ISOC1: variants seen among roughly 807,000 people sequenced by gnomAD.
ISOC1 encodes isochorismatase domain-containing protein 1.
Under a neutral mutation model 30.0 loss-of-function variants are expected in ISOC1, and 33 were observed. The observed-to-expected ratio is 1.10, with a 90% CI of 0.83 to 1.47. The LOEUF (loss-of-function observed/expected upper bound fraction) is 1.47. ISOC1 is among the 40% of genes most tolerant of loss of function. The pLI, the probability that ISOC1 is intolerant of heterozygous loss-of-function variation, is 0.00. For synonymous variants in ISOC1, 178 were observed against 159.8 expected (o/e 1.11, Z -0.86); for missense variants, 372 against 388.0 (o/e 0.96, Z 0.35).
chr5:129,104,949 T>C lies in ISOC1; in HGVS notation c.310-7T>C, dbSNP rs1561422537. The C allele has an allele frequency of 1.9e-6, 3 of 1,611,440 alleles. No individual in the cohort carries two copies. Among genetic ancestry groups the C allele is most frequent in the Non-Finnish European group, 2.5e-6 (3 of 1,179,250 alleles). Reference sequence around the variant, plus strand: ...GTGCTAAATCATTCTTTTTCTTTTTTCCTCAGCTCACTACCCTGGGAAATC... The same window carrying C: ...GTGCTAAATCATTCTTTTTCTTTTTCCCTCAGCTCACTACCCTGGGAAATC... On this transcript the variant is annotated splice_region_variant and splice_polypyrimidine_tract_variant and intron_variant, in intron 1 of 4. Coordinates refer to ENST00000173527, the MANE Select transcript of ISOC1 (RefSeq NM_016048.2).
chr5:129,099,437 A>G (rs1215515119), intron 1 of ISOC1, among the ~76,000 whole-genome samples: 2 of 152,224 alleles, frequency 1.3e-5, no homozygotes, highest in Non-Finnish European at 1.5e-5. Flanking sequence ...AGTGACATCA[A>G]TGTTCACAAT....
At chr5:129,108,698 G>A (rs1342513388) in intron 4 of ISOC1, among the ~76,000 whole-genome samples, 3 of 152,114 alleles carry the variant, frequency 2.0e-5, no homozygotes, top group African/African-American at 7.2e-5. Flanking sequence ...TTTTAGTAGA[G>A]ATGGGGTTTT....
chr5:129,101,192 A>AAAAAATATATAT (rs1554064627), intron 1 of ISOC1, among the ~76,000 whole-genome samples: 40 of 42,118 alleles, frequency 9.5e-4, no homozygotes, highest in Non-Finnish European at 1.3e-3. Flanking sequence ...AAAAAAAAAA[A>AAAAAATATATAT]ATATATATAT....
intron 1 of ISOC1, among the ~76,000 whole-genome samples, chr5:129,098,603 C>T (rs751300854): frequency 2.0e-5 from 3 of 152,116 alleles, no homozygotes; most frequent in Non-Finnish European, 2.9e-5. Context: ...CCAGGAAAGA[C>T]AGAGCCTGCA....
chr5:129,097,947 G>A (rs990113657), intron 1 of ISOC1, among the ~76,000 whole-genome samples: 2 of 152,068 alleles, frequency 1.3e-5, no homozygotes, highest in South Asian at 4.1e-4. Flanking sequence ...CCATGTTACT[G>A]GGGATGGTTG....
chr5:129,106,723 A>G (rs1753641645), intron 3 of ISOC1, among the ~76,000 whole-genome samples: 1 of 152,220 alleles, frequency 6.6e-6, no homozygotes, highest in African/African-American at 2.4e-5. Context: ...AGTATCAGAA[A>G]CATTGGCCTA....
intron 4 of ISOC1, 41 bp downstream of exon 4, chr5:129,107,103 C>A (rs1483147456): frequency 6.8e-7 from 1 of 1,474,860 alleles, no homozygotes; most frequent in South Asian, 1.1e-5. Context: ...GTCAAGTTTT[C>A]CAAATAAATG....
At chr5:129,098,669 T>A (rs1753536479) in intron 1 of ISOC1, among the ~76,000 whole-genome samples, 1 of 152,162 alleles carries the variant, frequency 6.6e-6, no homozygotes, top group African/African-American at 2.4e-5. Flanking sequence ...GGGATTTTAC[T>A]TCTGTACATA....
intron 1 of ISOC1, among the ~76,000 whole-genome samples, chr5:129,095,569 C>A (rs950662926): frequency 6.6e-6 from 1 of 152,226 alleles, no homozygotes; most frequent in East Asian, 1.9e-4. Context: ...CCATTCCCCC[C>A]CGCCTTCCCA....
At chr5:129,101,192 A>AAAAAAAAAAAAAATATATATAT (rs1554064627) in intron 1 of ISOC1, among the ~76,000 whole-genome samples, 2 of 42,232 alleles carry the variant, frequency 4.7e-5, no homozygotes, top group Non-Finnish European at 3.6e-5. Flanking sequence ...AAAAAAAAAA[A>AAAAAAAAAAAAAATATATATAT]ATATATATAT....
In ISOC1 at chr5:129,094,766, C is replaced by T; in HGVS notation, c.-1C>T. The T allele has an allele frequency of 6.7e-7, 1 of 1,493,710 alleles. No individual in the cohort carries two copies. The highest frequency in any genetic ancestry group is 8.9e-7 in the Non-Finnish European group (1 of 1,127,236). The allele number at this position is 1,493,710 out of a possible 1,614,324, so 92.5% of individuals were successfully genotyped here. A position where few individuals can be genotyped will look rare whatever the true frequency, so the allele number is the denominator to read the frequency against. The stretch of plus-strand genomic sequence containing the variant: ...CGGAGCTCGCAGACGCTCGGGGGAA[C>T]ATGGCGGCTGCGGAGCCGGCGGTCC... On this transcript the variant is annotated 5_prime_UTR_variant, in exon 1 of 5. Transcript: ENST00000173527.
chr5:129,101,161 CAAAAAAAAAAAAAA>C (rs1156603818), intron 1 of ISOC1, among the ~76,000 whole-genome samples: 7 of 19,498 alleles, frequency 3.6e-4, no homozygotes, highest in South Asian at 8.3e-3. Context: ...CTCAGCTAAT[CAAAAAAAAAAAAAA>C]AAAAAAAAAA....
intron 1 of ISOC1, among the ~76,000 whole-genome samples, chr5:129,095,294 G>A (rs1156951593): frequency 1.3e-5 from 2 of 152,230 alleles, no homozygotes; most frequent in African/African-American, 4.8e-5. Context: ...TGTCCCCGGC[G>A]GGGGCGTGGG....
At chr5:129,100,231 A>C (rs998034580) in intron 1 of ISOC1, among the ~76,000 whole-genome samples, 7 of 128,132 alleles carry the variant, frequency 5.5e-5, no homozygotes, top group African/African-American at 2.3e-4. Flanking sequence ...TAATTATTCC[A>C]AATCCCTATA....
In ISOC1 at chr5:129,113,494, T is replaced by C. The variant is rs142729461; in HGVS notation, c.*493T>C. The C allele has an allele frequency of 7.5e-4, 114 of 153,004 alleles. 1 individual carries two copies. The highest frequency in any genetic ancestry group is 3.4e-3 in the Middle Eastern group (1 of 294). The allele number at this position is 153,004 out of a possible 1,614,324, so 9.5% of individuals were successfully genotyped here. A position where few individuals can be genotyped will look rare whatever the true frequency, so the allele number is the denominator to read the frequency against. The stretch of plus-strand genomic sequence containing the variant: ...TTACCCACAGGACTCTGAATCATGT[T>C]ACCCACTCCCCTCACAATGTTGTCC... On this transcript the variant is annotated 3_prime_UTR_variant, in exon 5 of 5. Transcript: ENST00000173527.
At chr5:129,109,386 G>A (rs1413500323) in intron 4 of ISOC1, among the ~76,000 whole-genome samples, 3 of 152,228 alleles carry the variant, frequency 2.0e-5, no homozygotes, top group Non-Finnish European at 4.4e-5. Flanking sequence ...TATATTGATA[G>A]CAGTTAGGAC....
At chr5:129,100,338 T>C (rs1753554875) in intron 1 of ISOC1, among the ~76,000 whole-genome samples, 1 of 152,114 alleles carries the variant, frequency 6.6e-6, no homozygotes, top group Non-Finnish European at 1.5e-5. Context: ...GTAGACAAAA[T>C]ATTTATACTT....
chr5:129,111,373 C>G (rs1341644047), intron 4 of ISOC1, among the ~76,000 whole-genome samples: 2 of 152,074 alleles, frequency 1.3e-5, no homozygotes, highest in African/African-American at 4.8e-5. Context: ...AGCTTGCTTT[C>G]TGACAAGTAG....
chr5:129,095,222 G>C (rs1753481137), intron 1 of ISOC1, 147 bp downstream of exon 1: 1 of 767,148 alleles, frequency 1.3e-6, no homozygotes, highest in Admixed American at 3.4e-5. Context: ...AGGGCTGCGC[G>C]TCTTTCGCAA....
Sources: allele counts gnomAD v4.1 joint callset (sites outside exome capture counted in the v4.1 genomes callset), GRCh38; gene constraint gnomAD v4.1.1; transcripts MANE v1.5; gene names NCBI Gene and HGNC (gene_info 2026-07-23, HGNC 2026-07-21).